The following DCAF7 variants were observed in gnomAD, a reference collection of about 807,000 sequenced individuals.
DCAF7 encodes the protein DDB1 and CUL4 associated factor 7.
DCAF7 carries 4 observed loss-of-function variants against 41.2 expected under a neutral mutation model. The observed-to-expected ratio is 0.10, with a 90% CI of 0.05 to 0.22. DCAF7 has a LOEUF of 0.22. Ranked by LOEUF, DCAF7 falls within the 10% of genes least tolerant of loss-of-function variation. The pLI is 1.00. For synonymous variants in DCAF7, 143 were observed against 164.2 expected (o/e 0.87, Z 0.99); for missense variants, 131 against 443.2 (o/e 0.30, Z 6.32).
At chr17:63,576,624 T>TA (rs2033564896) in intron 1 of DCAF7, among the ~76,000 whole-genome samples, 1 of 151,356 alleles carries the variant, frequency 6.6e-6, no homozygotes, top group South Asian at 2.1e-4. Flanking sequence ...AACTAGGACA[T>TA]AAAAAATTTT....
intron 1 of DCAF7, among the ~76,000 whole-genome samples, chr17:63,556,261 A>G (rs2033309491): frequency 6.6e-6 from 1 of 152,236 alleles, no homozygotes; most frequent in South Asian, 2.1e-4. Flanking sequence ...CTTCTGCACT[A>G]GGACTGTGTG....
Position 63,559,359 on chromosome 17 carries a change from GTATGTATATATATATGTGTATATA to G in DCAF7, c.138+8562_138+8585del, listed in dbSNP as rs1205525818. 1.6e-3 allele frequency among the ~76,000 whole-genome samples: 168 copies of G among 102,738 alleles called. 7 individuals carry two copies. The East Asian group carries it at 0.037, about 22-fold the overall frequency. 67.4% of individuals were successfully genotyped at this position (102,738 alleles called of 152,430 possible). A position where few individuals can be genotyped will look rare whatever the true frequency, so the allele number is the denominator to read the frequency against. Reference sequence around the variant, plus strand: ...CATACATATATATACGTATATATATGTATGTATATATATATGTGTATATATATGTATATATATATGTATATATAT... The same window carrying G: ...CATACATATATATACGTATATATATGTATGTATATATATATGTATATATAT... On this transcript the variant is annotated intron_variant, in intron 1 of 6. Transcript: ENST00000614556.
At chr17:63,559,403 A>G (rs1206725187) in intron 1 of DCAF7, among the ~76,000 whole-genome samples, 2 of 95,304 alleles carry the variant, frequency 2.1e-5, no homozygotes, top group South Asian at 2.6e-4. Flanking sequence ...ATATATGTAT[A>G]TATATGTATA....
chr17:63,575,491 G>A (rs1232427330), intron 1 of DCAF7, among the ~76,000 whole-genome samples: 2 of 152,170 alleles, frequency 1.3e-5, no homozygotes, highest in East Asian at 1.9e-4. Flanking sequence ...CTTGAGGCCA[G>A]GAGTTAGCGA....
chr17:63,580,092 C>A, intron 4 of DCAF7, 149 bp downstream of exon 4: 1 of 672,782 alleles, frequency 1.5e-6, no homozygotes, highest in African/African-American at 1.8e-5. Context: ...AGTAATGTAT[C>A]AAAAACGGGA....
chr17:63,554,284 T>C (rs2033288544), intron 1 of DCAF7, among the ~76,000 whole-genome samples: 1 of 152,244 alleles, frequency 6.6e-6, no homozygotes, highest in Non-Finnish European at 1.5e-5. Flanking sequence ...AAGATTGGTG[T>C]TGGAGCAACA....
chr17:63,569,122 T>C (rs911327871), intron 1 of DCAF7, among the ~76,000 whole-genome samples: 22 of 152,220 alleles, frequency 1.4e-4, no homozygotes, highest in African/African-American at 4.3e-4. Flanking sequence ...TGGTCTGGGA[T>C]GTTACTAAAC....
At chr17:63,576,101 G>A (rs1441033817) in intron 1 of DCAF7, among the ~76,000 whole-genome samples, 1 of 152,192 alleles carries the variant, frequency 6.6e-6, no homozygotes, top group African/African-American at 2.4e-5. Flanking sequence ...AAAGGAGAAA[G>A]AATTCTCAAC....
intron 1 of DCAF7, among the ~76,000 whole-genome samples, chr17:63,559,639 T>TA (rs2033359149): frequency 6.6e-6 from 1 of 150,468 alleles, no homozygotes; most frequent in Non-Finnish European, 1.5e-5. Flanking sequence ...CTGTCTCTAC[T>TA]AAAAATGCAA....
rs1316225751 is a variant in DCAF7, at chr17:63,589,881, C to T, written c.*709C>T. On this transcript the variant is annotated 3_prime_UTR_variant, in exon 7 of 7. Coordinates refer to ENST00000614556, the MANE Select transcript of DCAF7 (RefSeq NM_005828.5). ...CTTGGTGCTCTGAAGTCCACTGACT[C>T]ATCACACCTTTCTTAGCCTGGCTCC... is the stretch of plus-strand genomic sequence containing the variant. 6.5e-6 allele frequency: 1 copy of T among 153,294 alleles called. No individual in the cohort carries two copies. Among genetic ancestry groups the T allele is most frequent in the Non-Finnish European group, 1.5e-5 (1 of 68,614 alleles). The allele number at this position is 153,294 out of a possible 1,614,324, so 9.5% of individuals were successfully genotyped here.
intron 1 of DCAF7, among the ~76,000 whole-genome samples, chr17:63,567,611 C>A (rs1338185910): frequency 6.6e-6 from 1 of 152,200 alleles, no homozygotes; most frequent in Non-Finnish European, 1.5e-5. Flanking sequence ...TAGTCGTAGG[C>A]AAAGCTTACA....
chr17:63,579,559 G>A (rs899343779), intron 3 of DCAF7, 111 bp downstream of exon 3: 1 of 783,256 alleles, frequency 1.3e-6, no homozygotes, highest in African/African-American at 1.8e-5. Context: ...AAGTAGGCTA[G>A]GCGTGGAATG....
Position 63,583,585 on chromosome 17 carries a change from T to C in DCAF7, c.612T>C (p.Phe204=). ...SVGADGSVRM[F]DLRHLEHSTI... is the part of the protein sequence containing the mutation. Reference sequence around the variant, plus strand: ...GTGCTGATGGCTCGGTGCGGATGTTTGACCTCCGCCATCTAGAACACAGCA... The same window carrying C: ...GTGCTGATGGCTCGGTGCGGATGTTCGACCTCCGCCATCTAGAACACAGCA... The change falls in exon 5 of 7, where the codon TTT becomes TTC. Residue 204 remains phenylalanine, a synonymous_variant. Transcript: ENST00000614556. The C allele has an allele frequency of 6.2e-7, 1 of 1,613,892 alleles. No homozygotes were observed. The highest frequency in any genetic ancestry group is 8.5e-7 in the Non-Finnish European group (1 of 1,179,834).
At chr17:63,577,604 G>A (rs964861346) in intron 1 of DCAF7, among the ~76,000 whole-genome samples, 1 of 152,154 alleles carries the variant, frequency 6.6e-6, no homozygotes, top group African/African-American at 2.4e-5. Context: ...ACAGTGGTTT[G>A]GGCTCTCAAA....
Position 63,589,508 on chromosome 17 carries a change from C to G in DCAF7, c.*336C>G. ...GTTCACGCACTGGCTGTGTCTATTCCTCTGCCCAGGTGTCTCTGTTTGCTG... is the reference window on the plus strand; with the variant it reads ...GTTCACGCACTGGCTGTGTCTATTCGTCTGCCCAGGTGTCTCTGTTTGCTG... On this transcript the variant is annotated 3_prime_UTR_variant, in exon 7 of 7. Transcript: ENST00000614556. 1 of 369,500 alleles carries G rather than the reference C, an allele frequency of 2.7e-6. No individual in the cohort carries two copies. The highest frequency in any genetic ancestry group is 5.3e-6 in the Non-Finnish European group (1 of 190,152). The allele number at this position is 369,500 out of a possible 1,614,324, so 22.9% of individuals were successfully genotyped here.
chr17:63,579,458 T>G lies in DCAF7; in HGVS notation c.409+10T>G. On this transcript the variant is annotated intron_variant, in intron 3 of 6. Transcript: ENST00000614556. ...GATCCTTATCTTTTAGGTAAGGGAGTTAGGGAGTATGTATTTCAGCTGGAA... is the reference window on the plus strand; with the variant it reads ...GATCCTTATCTTTTAGGTAAGGGAGGTAGGGAGTATGTATTTCAGCTGGAA... 6.3e-7 allele frequency: 1 copy of G among 1,575,072 alleles called. No individual in the cohort carries two copies. Among genetic ancestry groups the G allele is most frequent in the Non-Finnish European group, 8.7e-7 (1 of 1,154,356 alleles).
Position 63,550,629 on chromosome 17 carries a change from C to T in DCAF7, c.-49C>T. ...TAGATCTCAGGCTCGGCTCCCCGCC[C>T]GCCGCAGCCCACTGTTGACCCGGCC... On this transcript the variant is annotated 5_prime_UTR_variant, in exon 1 of 7. Coordinates refer to ENST00000614556, the MANE Select transcript of DCAF7 (RefSeq NM_005828.5). The surrounding 1 kb of genome is among the most constrained non-coding windows in gnomAD (Gnocchi z 4.8). 6.3e-7 allele frequency: 1 copy of T among 1,598,970 alleles called. No individual in the cohort carries two copies. The highest frequency in any genetic ancestry group is 8.5e-7 in the Non-Finnish European group (1 of 1,170,922).
intron 1 of DCAF7, among the ~76,000 whole-genome samples, chr17:63,566,370 CAA>C (rs144975724): frequency 0.65 from 91,980 of 142,138 alleles, 29,606 homozygotes; most frequent in African/African-American, 0.81. Flanking sequence ...GACTCTGTCT[CAA>C]AAAAAAAAAA....
intron 5 of DCAF7, among the ~76,000 whole-genome samples, chr17:63,584,865 T>C (rs1446619240): frequency 1.3e-5 from 2 of 152,222 alleles, no homozygotes; most frequent in African/African-American, 4.8e-5. Flanking sequence ...TTGGTGGCGC[T>C]AGCACCTCAG....
Sources: gnomAD v4.1 joint callset for allele counts (sites outside exome capture counted in the v4.1 genomes callset) on GRCh38, gnomAD v4.1.1 for gene constraint, Gnocchi (gnomAD v3.1) non-coding constraint, MANE v1.5 for transcripts, NCBI Gene and HGNC (gene_info 2026-07-23, HGNC 2026-07-21) for gene names.